The following MAP3K5 variants were observed in gnomAD, a reference collection of about 807,000 sequenced individuals.
MAP3K5 encodes the protein ASK-1.
In MAP3K5, 56 loss-of-function variants were observed where a neutral mutation model predicts 158.7. The ratio of observed to expected loss-of-function variants is 0.35; its 90% CI spans 0.28 to 0.44. MAP3K5 has a LOEUF of 0.44. Ranked by LOEUF, MAP3K5 falls within the 20% of genes least tolerant of loss-of-function variation. MAP3K5 has a pLI of 1.00. For synonymous variants in MAP3K5, 579 were observed against 601.7 expected, an observed-to-expected ratio of 0.96 and a Z score of 0.55; for missense variants, 1,294 against 1,674.8, an observed-to-expected ratio of 0.77 and a Z score of 3.97.
At chr6:136,634,587 C>CTT (rs374358975) in intron 14 of MAP3K5, among the ~76,000 whole-genome samples, 1 of 147,502 alleles carries the variant, frequency 6.8e-6, no homozygotes, top group African/African-American at 2.5e-5. Context: ...TTTTTCTTTT[C>CTT]TTTTTTTTTT....
chr6:136,778,065 C>A (rs113087067), intron 1 of MAP3K5, among the ~76,000 whole-genome samples: 93 of 152,232 alleles, frequency 6.1e-4, no homozygotes, highest in African/African-American at 1.7e-3. Flanking sequence ...GGTTCTAAAT[C>A]TCAGGCAATA....
In MAP3K5 at chr6:136,571,136, CT is replaced by C. The variant is rs771282563; in HGVS notation, c.3518-3263del. Among the ~76,000 whole-genome samples, 4 of 152,274 alleles carry C rather than the reference CT, an allele frequency of 2.6e-5. No individual in the cohort carries two copies. In the South Asian group the frequency reaches 6.2e-4, roughly 24 times the overall value. On this transcript the variant is annotated intron_variant, in intron 25 of 29. Coordinates refer to ENST00000359015, the MANE Select transcript of MAP3K5 (RefSeq NM_005923.4). Reference sequence around the variant, plus strand: ...CATGGACCAATCAGCATGCACCCCCCTATTCTAAGCCCATAAAAACCCCAGA... The same window carrying C: ...CATGGACCAATCAGCATGCACCCCCCATTCTAAGCCCATAAAAACCCCAGA...
intron 1 of MAP3K5, among the ~76,000 whole-genome samples, chr6:136,732,328 G>T (rs556065858): frequency 6.6e-6 from 1 of 152,292 alleles, no homozygotes; most frequent in South Asian, 2.1e-4. Flanking sequence ...GGGAGGCTGA[G>T]GCTGAAGAAT....
chr6:136,751,112 T>C (rs74686198), intron 1 of MAP3K5, among the ~76,000 whole-genome samples: 145 of 151,422 alleles, frequency 9.6e-4, no homozygotes, highest in African/African-American at 3.5e-3. Flanking sequence ...TCTGCACAAA[T>C]CTGCTGATAA....
At chr6:136,697,157 A>G in intron 5 of MAP3K5, 62 bp downstream of exon 5, 7 of 1,435,724 alleles carry the variant, frequency 4.9e-6, no homozygotes, top group Non-Finnish European at 6.6e-6. Flanking sequence ...ATTTGAGGTT[A>G]ATACTCCCTT....
At chr6:136,585,119 G>GT (rs1476625024) in intron 23 of MAP3K5, among the ~76,000 whole-genome samples, 65 of 120,064 alleles carry the variant, frequency 5.4e-4, no homozygotes, top group Middle Eastern at 4.5e-3. Context: ...TTTTTTTTTT[G>GT]TTTTTTTTTA....
intron 1 of MAP3K5, among the ~76,000 whole-genome samples, chr6:136,737,757 C>T (rs138601421): frequency 6.6e-6 from 1 of 152,304 alleles, no homozygotes; most frequent in African/African-American, 2.4e-5. Context: ...CCTTCATGGG[C>T]TGATAACCTT....
chr6:136,792,119 C>T lies in MAP3K5; in HGVS notation c.39G>A (p.Val13=), dbSNP rs1305092884. Residue 13 remains valine (V), a synonymous_variant, in exon 1 of 30, where the codon GTG becomes GTA. Coordinates refer to ENST00000359015, the MANE Select transcript of MAP3K5 (RefSeq NM_005923.4). This position sits in a 1 kb window ranked among gnomAD's most constrained non-coding sequence, Gnocchi z 5.7. ...TEADEGITFS[V]PPFAPSGFCT... Reference sequence around the variant, plus strand: ...AGAAGCCCGAGGGGGCGAAGGGTGGCACAGAGAAAGTGATGCCCTCGTCCG... The same window carrying T: ...AGAAGCCCGAGGGGGCGAAGGGTGGTACAGAGAAAGTGATGCCCTCGTCCG... 6.3e-7 allele frequency: 1 copy of T among 1,585,616 alleles called. No individual in the cohort carries two copies. Among genetic ancestry groups the T allele is most frequent in the Non-Finnish European group, 8.6e-7 (1 of 1,168,728 alleles).
intron 1 of MAP3K5, among the ~76,000 whole-genome samples, chr6:136,738,245 C>T (rs1421101646): frequency 1.6e-4 from 25 of 152,110 alleles, no homozygotes; most frequent in Admixed American, 1.6e-3. Flanking sequence ...TAAATGCATC[C>T]TCTCCTGTAA....
At chr6:136,694,501 T>G (rs1346373964) in intron 6 of MAP3K5, among the ~76,000 whole-genome samples, 191 bp from the exon 7 acceptor site, 1 of 152,236 alleles carries the variant, frequency 6.6e-6, no homozygotes, top group Non-Finnish European at 1.5e-5. Flanking sequence ...ATTGTATGTC[T>G]ACTAGGTCTA....
At chr6:136,691,591 A>G (rs1323565791) in intron 7 of MAP3K5, among the ~76,000 whole-genome samples, 1 of 149,708 alleles carries the variant, frequency 6.7e-6, no homozygotes. Context: ...AGCCTGGGCA[A>G]CAGAGCAAGA....
intron 1 of MAP3K5, among the ~76,000 whole-genome samples, chr6:136,755,032 A>G (rs932999484): frequency 6.6e-6 from 1 of 151,960 alleles, no homozygotes; most frequent in Non-Finnish European, 1.5e-5. Flanking sequence ...CTCTCTATCT[A>G]TATGGCCCAT....
At chr6:136,610,601 A>T (rs1421428793) in intron 18 of MAP3K5, among the ~76,000 whole-genome samples, 1 of 151,218 alleles carries the variant, frequency 6.6e-6, no homozygotes, top group East Asian at 1.9e-4. Context: ...GTTTAATAAA[A>T]AAAAAAAAAA....
Position 136,726,811 on chromosome 6 carries a change from T to C in MAP3K5, c.449-6222A>G, listed in dbSNP as rs934029014. Among the ~76,000 whole-genome samples the C allele has an allele frequency of 4.6e-5, 7 of 152,332 alleles. No homozygotes were observed. In the South Asian group the frequency reaches 1.2e-3, roughly 27 times the overall value. On this transcript the variant is annotated intron_variant, in intron 1 of 29. Coordinates refer to ENST00000359015, the MANE Select transcript of MAP3K5 (RefSeq NM_005923.4). ...ATAAAAATACAATAATTTTTGTAGA[T>C]TGATCTTGTATCCTGAAATTTAACT...
Position 136,557,439 on chromosome 6 carries a change from T to C in MAP3K5, c.*319A>G. 8.3e-6 allele frequency: 2 copies of C among 240,244 alleles called. No individual in the cohort carries two copies. Among genetic ancestry groups the C allele is most frequent in the South Asian group, 1.4e-4 (2 of 14,630 alleles). 14.9% of individuals were successfully genotyped at this position (240,244 alleles called of 1,614,324 possible). ...ACATCCGTTTTGTGTGAAATAAACATTTGGCTGAAGTGCAATAGCTGCTGC... is the reference window on the plus strand; with the variant it reads ...ACATCCGTTTTGTGTGAAATAAACACTTGGCTGAAGTGCAATAGCTGCTGC... On this transcript the variant is annotated 3_prime_UTR_variant, in exon 30 of 30. Coordinates refer to ENST00000359015, the MANE Select transcript of MAP3K5 (RefSeq NM_005923.4).
chr6:136,672,989 C>CA (rs538682132), intron 7 of MAP3K5, among the ~76,000 whole-genome samples: 21,820 of 83,508 alleles, frequency 0.26, 2,781 homozygotes, highest in African/African-American at 0.43. Context: ...GACTCTATCT[C>CA]AAAAAAAAAA....
intron 2 of MAP3K5, among the ~76,000 whole-genome samples, chr6:136,706,416 A>C (rs1429748548): frequency 6.6e-6 from 1 of 152,210 alleles, no homozygotes; most frequent in Admixed American, 6.5e-5. Context: ...TGTTATTCCT[A>C]TACCTCACCA....
At chr6:136,736,695 ATGT>A (rs1459348537) in intron 1 of MAP3K5, among the ~76,000 whole-genome samples, 4 of 151,840 alleles carry the variant, frequency 2.6e-5, no homozygotes, top group Non-Finnish European at 4.4e-5. Context: ...AGGAAAACTA[ATGT>A]TGTTGTTTTA....
chr6:136,684,096 C>A (rs1359013555), intron 7 of MAP3K5, among the ~76,000 whole-genome samples: 1 of 151,966 alleles, frequency 6.6e-6, no homozygotes, highest in Non-Finnish European at 1.5e-5. Flanking sequence ...CCAGGCATGG[C>A]GGCATACACC....
Sources: allele counts gnomAD v4.1 joint callset (sites outside exome capture counted in the v4.1 genomes callset), GRCh38; gene constraint gnomAD v4.1.1; non-coding constraint Gnocchi (gnomAD v3.1); transcripts MANE v1.5; gene names NCBI Gene and HGNC (gene_info 2026-07-23, HGNC 2026-07-21).